The following UBQLN1 variants were observed in gnomAD, a reference collection of about 807,000 sequenced individuals.
UBQLN1 encodes the protein ubiquilin 1.
A neutral mutation model predicts 65.4 loss-of-function variants in UBQLN1; 13 were observed. That is an observed-to-expected ratio of 0.20 (90% CI 0.13 to 0.32). The LOEUF is 0.32. Among genes scored for constraint, UBQLN1 ranks in the 10% least tolerant of loss-of-function variants. The pLI, the probability that UBQLN1 is intolerant of heterozygous loss-of-function variation, is 1.00. For missense variants in UBQLN1, 561 were observed against 724.0 expected (o/e 0.77, Z 2.58); for synonymous variants, 267 against 247.8 (o/e 1.08, Z -0.73).
At chr9:83,692,261 A>G (rs1375517350) in intron 1 of UBQLN1, among the ~76,000 whole-genome samples, 1 of 152,238 alleles carries the variant, frequency 6.6e-6, no homozygotes, top group Non-Finnish European at 1.5e-5. Flanking sequence ...CTACAGCTAA[A>G]AATTCTGCAC....
intron 1 of UBQLN1, among the ~76,000 whole-genome samples, chr9:83,686,937 C>A (rs1832050377): frequency 6.6e-6 from 1 of 151,632 alleles, no homozygotes; most frequent in Non-Finnish European, 1.5e-5. Flanking sequence ...AAAAAAAAAT[C>A]TGAAATCTGA....
At chr9:83,688,479 G>A (rs534272208) in intron 1 of UBQLN1, among the ~76,000 whole-genome samples, 6 of 152,056 alleles carry the variant, frequency 3.9e-5, no homozygotes, top group South Asian at 4.2e-4. Context: ...GATATCCCTC[G>A]TTATTCTGAA....
intron 7 of UBQLN1, chr9:83,668,530 C>A: frequency 1.0e-6 from 1 of 985,416 alleles, no homozygotes; most frequent in Non-Finnish European, 1.2e-6. Context: ...CTCAAAATCT[C>A]TAAGGATGAG....
At position 83,677,752 on chromosome 9, in the gene UBQLN1, C is replaced by T. The variant is rs749987832; in HGVS notation, c.1080G>A (p.Ala360=). 77 of 1,612,606 alleles carry T rather than the reference C, an allele frequency of 4.8e-5. No homozygotes were observed. Among genetic ancestry groups the T allele is most frequent in the African/African-American group, 8.0e-5 (6 of 74,868 alleles). Residue 360 remains alanine (A), a synonymous_variant, in exon 6 of 11, where the codon GCG becomes GCA. Transcript: ENST00000376395. ...ASGTSGQSTT[A]PNLVPGVGAS... is the part of the protein sequence containing the mutation. ...CTCCTACTCCAGGCACCAAATTTGGCGCAGTAGTACTCTGCCCAGAAGTGC... is the reference window on the plus strand; with the variant it reads ...CTCCTACTCCAGGCACCAAATTTGGTGCAGTAGTACTCTGCCCAGAAGTGC...
intron 6 of UBQLN1, among the ~76,000 whole-genome samples, chr9:83,673,578 A>C (rs1243519852): frequency 1.1e-5 from 1 of 89,106 alleles, no homozygotes; most frequent in Non-Finnish European, 2.3e-5. Flanking sequence ...CAAAAAAAAA[A>C]AACTGCGCTT....
At chr9:83,669,996 T>C (rs1017173085) in intron 6 of UBQLN1, among the ~76,000 whole-genome samples, 2 of 152,204 alleles carry the variant, frequency 1.3e-5, no homozygotes, top group African/African-American at 2.4e-5. Flanking sequence ...ATCTACTTCA[T>C]AGGGTGGTTG....
intron 6 of UBQLN1, among the ~76,000 whole-genome samples, chr9:83,669,584 C>T (rs926755355): frequency 1.3e-5 from 2 of 152,176 alleles, no homozygotes; most frequent in Non-Finnish European, 2.9e-5. Flanking sequence ...GAAGAGCTAG[C>T]TTCTGAAGTC....
chr9:83,690,144 C>A lies in UBQLN1; in HGVS notation c.181-3989G>T, dbSNP rs112107390. 8.3e-3 allele frequency among the ~76,000 whole-genome samples: 1,257 copies of A among 152,264 alleles called. 18 individuals are homozygous for A. Among genetic ancestry groups the A allele is most frequent in the African/African-American group, 0.029 (1,196 of 41,550 alleles). ...ACAAACTACATGTCCACAAAAAATACAATCAACATTTGAACCAATATTACT... is the reference window on the plus strand; with the variant it reads ...ACAAACTACATGTCCACAAAAAATAAAATCAACATTTGAACCAATATTACT... On this transcript the variant is annotated intron_variant, in intron 1 of 10. Coordinates refer to ENST00000376395, the MANE Select transcript of UBQLN1 (RefSeq NM_013438.5).
chr9:83,707,290 C>T (rs1832427970), intron 1 of UBQLN1, among the ~76,000 whole-genome samples: 1 of 152,176 alleles, frequency 6.6e-6, no homozygotes, highest in African/African-American at 2.4e-5. Context: ...ATCAGCCCGT[C>T]CCACAAACAG....
intron 7 of UBQLN1, chr9:83,667,726 TTAG>T: frequency 1.0e-6 from 1 of 982,728 alleles, no homozygotes; most frequent in Middle Eastern, 5.2e-4. Context: ...AATCATCTTA[TTAG>T]ATACTTCTTA....
At position 83,707,797 on chromosome 9, in the gene UBQLN1, G is replaced by C; in HGVS notation, c.-118C>G. The C allele has an allele frequency of 7.3e-7, 1 of 1,366,970 alleles. No homozygotes were observed. The allele number at this position is 1,366,970 out of a possible 1,614,324, so 84.7% of individuals were successfully genotyped here. A position where few individuals can be genotyped will look rare whatever the true frequency, so the allele number is the denominator to read the frequency against. ...GACAGCGAAGAATGCAGAGCACGCC[G>C]CCTCAGTAGCAACGGGCGCAGGGCC... On this transcript the variant is annotated 5_prime_UTR_variant, in exon 1 of 11. Coordinates refer to ENST00000376395, the MANE Select transcript of UBQLN1 (RefSeq NM_013438.5).
intron 3 of UBQLN1, among the ~76,000 whole-genome samples, chr9:83,682,486 AAAACAAAC>A (rs35957755): frequency 6.6e-5 from 10 of 150,962 alleles, no homozygotes; most frequent in African/African-American, 2.2e-4. Context: ...CTCTCTTAAA[AAAACAAAC>A]AAACAAACAA....
rs183277708 is a variant in UBQLN1, at chr9:83,706,849, G to C, written c.180+651C>G. On this transcript the variant is annotated intron_variant, in intron 1 of 10. Coordinates refer to ENST00000376395, the MANE Select transcript of UBQLN1 (RefSeq NM_013438.5). ...GATGATAAACATACTAAAAGGGAAA[G>C]AGCAAGTCATCAGTGAAAGAAAGTC... 2.1e-4 allele frequency among the ~76,000 whole-genome samples: 32 copies of C among 152,308 alleles called. No individual in the cohort carries two copies. The East Asian group carries it at 2.7e-3, about 13-fold the overall frequency.
chr9:83,672,125 G>C (rs938875556), intron 6 of UBQLN1, among the ~76,000 whole-genome samples: 3 of 152,212 alleles, frequency 2.0e-5, no homozygotes, highest in African/African-American at 7.2e-5. Flanking sequence ...GAATTAAAGA[G>C]AGTTAGGGCC....
intron 10 of UBQLN1, among the ~76,000 whole-genome samples, chr9:83,663,144 A>G (rs1336673790): frequency 6.6e-6 from 1 of 151,460 alleles, no homozygotes; most frequent in Non-Finnish European, 1.5e-5. Flanking sequence ...AGGAAAGGGA[A>G]AAGGGAAAGG....
intron 1 of UBQLN1, among the ~76,000 whole-genome samples, chr9:83,706,405 A>C (rs766627294): frequency 2.6e-5 from 4 of 152,236 alleles, no homozygotes; most frequent in Non-Finnish European, 2.9e-5. Context: ...AAAAGTGATA[A>C]TTCTGTTGGT....
chr9:83,669,308 T>C lies in UBQLN1; in HGVS notation c.1125A>G (p.Pro375=), dbSNP rs1288612579. The change falls in exon 7 of 11, where the codon CCA becomes CCG. Residue 375 remains proline (P), a synonymous_variant. Coordinates refer to ENST00000376395, the MANE Select transcript of UBQLN1 (RefSeq NM_013438.5). ...TTTGTTGCAACAAGCTCTGCATTCC[T>C]GGTGTGTTGAACATACTAGCTGAAA... ...PGVGASMFNT[P]GMQSLLQQIT... is the part of the protein sequence containing the mutation. 6.2e-7 allele frequency: 1 copy of C among 1,606,996 alleles called. No homozygotes were observed. Among genetic ancestry groups the C allele is most frequent in the East Asian group, 2.2e-5 (1 of 44,740 alleles).
At chr9:83,664,927 A>C in intron 9 of UBQLN1, 103 bp downstream of exon 9, 1 of 500,672 alleles carries the variant, frequency 2.0e-6, no homozygotes, top group East Asian at 4.8e-5. Context: ...TCCCACCAAA[A>C]AAAAAAAAAA....
intron 7 of UBQLN1, 35 bp downstream of exon 7, chr9:83,669,150 C>T (rs376439766): frequency 1.3e-6 from 2 of 1,589,448 alleles, no homozygotes; most frequent in African/African-American, 1.4e-5. Context: ...TTAATTCACA[C>T]TGCACAGTCT....
Sources: gnomAD v4.1 joint callset for allele counts (sites outside exome capture counted in the v4.1 genomes callset) on GRCh38, gnomAD v4.1.1 for gene constraint, MANE v1.5 for transcripts, NCBI Gene and HGNC (gene_info 2026-07-23, HGNC 2026-07-21) for gene names.